The following ZNF536 variants were observed in gnomAD, a reference collection of about 807,000 sequenced individuals.
ZNF536 encodes zinc finger protein 536.
Under a neutral mutation model 84.5 loss-of-function variants are expected in ZNF536, and 13 were observed. The observed-to-expected ratio is 0.15, with a 90% CI of 0.10 to 0.24. The LOEUF is 0.24. ZNF536 is among the 10% of genes least tolerant of loss of function. The pLI is 1.00. For missense variants in ZNF536, 1,536 were observed against 1,747.5 expected (o/e 0.88, Z 2.16); for synonymous variants, 811 against 742.5 (o/e 1.09, Z -1.50).
In ZNF536 at chr19:30,310,746, C is replaced by G. The variant is rs568004736; in HGVS notation, c.-120+26605C>G. 1.4e-4 allele frequency among the ~76,000 whole-genome samples: 22 copies of G among 152,302 alleles called. No individual in the cohort carries two copies. In the South Asian group the frequency reaches 4.6e-3, roughly 32 times the overall value. On this transcript the variant is annotated intron_variant, in intron 2 of 5. Coordinates refer to the ZNF536 transcript ENST00000585628. ...TGGAGCTGAGGCTGTCAGCGGCTAA[C>G]CAGCCATTCTCAGACCATTGCTTCT...
chr19:30,402,796 A>AATATATATATATATATATATATATAT (rs869301101), intron 1 of ZNF536, among the ~76,000 whole-genome samples: 1 of 85,608 alleles, frequency 1.2e-5, no homozygotes, highest in Non-Finnish European at 2.4e-5. Flanking sequence ...AAAATTAAAA[A>AATATATATATATATATATATATATAT]ATATATATAT....
rs2146205763 is a variant in ZNF536, at chr19:30,548,534, A to T, written c.2915A>T (p.Gln972Leu). The T allele has an allele frequency of 6.2e-7, 1 of 1,613,772 alleles. No individual in the cohort carries two copies. Among genetic ancestry groups the T allele is most frequent in the South Asian group, 1.1e-5 (1 of 91,082 alleles). Residue 972 changes from glutamine to leucine, a missense_variant, in exon 4 of 5, where the codon CAG becomes CTG. Physicochemically the swap from Gln to Leu is moderately radical, Grantham distance 113 (BLOSUM62 -2). Transcript: ENST00000355537. ...KSSQRKSEKS[Q>L]YEPLDLSVRP... ...TCCCAGAGGAAGTCCGAGAAATCTC[A>T]GTATGAACCCCTGGACTTGTCTGTG...
At chr19:30,389,146 C>A (rs1030852271) in intron 1 of ZNF536, among the ~76,000 whole-genome samples, 1 of 152,322 alleles carries the variant, frequency 6.6e-6, no homozygotes, top group South Asian at 2.1e-4. Flanking sequence ...GTGAGTTCAC[C>A]CAGTCCGCAC....
At position 30,348,075 on chromosome 19, in the gene ZNF536, C is replaced by A. The variant is rs188570539; in HGVS notation, c.-119-4293C>A. 1.4e-4 allele frequency among the ~76,000 whole-genome samples: 21 copies of A among 152,354 alleles called. No homozygotes were observed. The East Asian group carries it at 3.9e-3, about 28-fold the overall frequency. On this transcript the variant is annotated intron_variant, in intron 2 of 5. Transcript: ENST00000585628. ...TGATTTACATGTGTTTATGCATTTA[C>A]CCATTAATTCATGCATTTATTACTT...
chr19:30,575,455 C>T (rs2046696449), intron 1 of ZNF536, among the ~76,000 whole-genome samples: 2 of 152,236 alleles, frequency 1.3e-5, no homozygotes, highest in Non-Finnish European at 2.9e-5. Flanking sequence ...TGGCCACCAC[C>T]ATCTATTGCA....
intron 1 of ZNF536, among the ~76,000 whole-genome samples, chr19:30,259,076 A>G (rs942401017): frequency 6.6e-6 from 1 of 152,066 alleles, no homozygotes; most frequent in Non-Finnish European, 1.5e-5. Context: ...AAATATAACA[A>G]ATTTCTGAGG....
chr19:30,344,584 C>G (rs993161757), intron 2 of ZNF536, among the ~76,000 whole-genome samples: 1 of 151,990 alleles, frequency 6.6e-6, no homozygotes, highest in Non-Finnish European at 1.5e-5. Flanking sequence ...GCTCTTGGGT[C>G]TCCCCTGTCC....
intron 2 of ZNF536, among the ~76,000 whole-genome samples, chr19:30,315,991 G>A (rs2046665750): frequency 6.6e-6 from 1 of 152,124 alleles, no homozygotes; most frequent in Non-Finnish European, 1.5e-5. Flanking sequence ...GTAATTCTGT[G>A]TGGTATGGCA....
At chr19:30,452,083 G>T (rs1355366524) in intron 2 of ZNF536, among the ~76,000 whole-genome samples, 4 of 152,196 alleles carry the variant, frequency 2.6e-5, no homozygotes, top group Non-Finnish European at 5.9e-5. Context: ...CAGCCACAAG[G>T]TGTCCCTTGA....
chr19:30,471,736 A>G (rs2053642794), intron 2 of ZNF536, among the ~76,000 whole-genome samples: 1 of 152,268 alleles, frequency 6.6e-6, no homozygotes, highest in Non-Finnish European at 1.5e-5. Flanking sequence ...GCCTGGTAAC[A>G]TGAAAAACTT....
At chr19:30,587,660 C>G (rs1192986567) in intron 1 of ZNF536, among the ~76,000 whole-genome samples, 4 of 152,202 alleles carry the variant, frequency 2.6e-5, no homozygotes, top group Non-Finnish European at 5.9e-5. Context: ...AGACTTCATT[C>G]CCTGAAAGGA....
rs551643635 is a variant in ZNF536, at chr19:30,542,108, A to G, written c.2324-5835A>G. Among the ~76,000 whole-genome samples the G allele has an allele frequency of 3.3e-5, 5 of 152,312 alleles. No homozygotes were observed. The East Asian group carries it at 9.6e-4, about 29-fold the overall frequency. On this transcript the variant is annotated intron_variant, in intron 3 of 4. Coordinates refer to ENST00000355537, the MANE Select transcript of ZNF536 (RefSeq NM_014717.3). The stretch of plus-strand genomic sequence containing the variant: ...CACTTTTGGAGATTTAGCAAAAAAA[A>G]CAAAAACAAAATAAAAAAACGAGAA...
chr19:30,452,140 C>T (rs1055827052), intron 2 of ZNF536, among the ~76,000 whole-genome samples: 2 of 152,170 alleles, frequency 1.3e-5, no homozygotes, highest in Non-Finnish European at 2.9e-5. Flanking sequence ...CAGGATCTGA[C>T]TCTTACCCAC....
intron 1 of ZNF536, among the ~76,000 whole-genome samples, chr19:30,625,631 T>G (rs2048647243): frequency 6.6e-6 from 1 of 152,166 alleles, no homozygotes; most frequent in South Asian, 2.1e-4. Flanking sequence ...TGTTGAGAGG[T>G]TATGAAAACA....
chr19:30,585,759 G>T (rs2047073960), intron 1 of ZNF536, among the ~76,000 whole-genome samples: 2 of 152,018 alleles, frequency 1.3e-5, no homozygotes. Flanking sequence ...CTTCCCTCCT[G>T]CCCTCCTACC....
intron 1 of ZNF536, among the ~76,000 whole-genome samples, chr19:30,261,720 AAAAG>A (rs958858238): frequency 1.3e-5 from 2 of 151,810 alleles, no homozygotes; most frequent in African/African-American, 4.8e-5. Flanking sequence ...AAAAAAAAGA[AAAAG>A]AAAAGTGAGT....
At chr19:30,302,266 C>T (rs562329380) in intron 2 of ZNF536, among the ~76,000 whole-genome samples, 4 of 152,260 alleles carry the variant, frequency 2.6e-5, no homozygotes, top group East Asian at 1.9e-4. Context: ...AGGCTCTGTC[C>T]GTCCTGCGGC....
At chr19:30,474,111 A>G (rs1198661992) in intron 2 of ZNF536, among the ~76,000 whole-genome samples, 5 of 152,214 alleles carry the variant, frequency 3.3e-5, no homozygotes, top group Admixed American at 3.3e-4. Flanking sequence ...AGAGGGAGGC[A>G]TATGGGAAAG....
chr19:30,628,430 C>CTTT (rs35554742), intron 1 of ZNF536, among the ~76,000 whole-genome samples: 8 of 139,336 alleles, frequency 5.7e-5, no homozygotes, highest in South Asian at 2.3e-4. Flanking sequence ...CCAGTAGTCA[C>CTTT]TTTTTTTTTT....
Sources: gnomAD v4.1 joint callset for allele counts (sites outside exome capture counted in the v4.1 genomes callset) on GRCh38, gnomAD v4.1.1 for gene constraint, MANE v1.5 for transcripts, NCBI Gene and HGNC (gene_info 2026-07-23, HGNC 2026-07-21) for gene names.